Variants in DPP10 observed in about 807,000 individuals in gnomAD.
DPP10 encodes the protein inactive dipeptidyl peptidase 10.
DPP10 carries 33 observed loss-of-function variants against 120.9 expected under a neutral mutation model. That is an observed-to-expected ratio of 0.27 (90% CI 0.21 to 0.37). The LOEUF is 0.37. DPP10 is among the 10% of genes least tolerant of loss of function. The pLI, the probability that DPP10 is intolerant of heterozygous loss-of-function variation, is 1.00. For missense variants in DPP10, 816 were observed against 942.8 expected, an observed-to-expected ratio of 0.87 and a Z score of 1.76; for synonymous variants, 337 against 326.1, an observed-to-expected ratio of 1.03 and a Z score of -0.36.
chr2:115,383,665 C>T (rs1417435896), intron 3 of DPP10, among the ~76,000 whole-genome samples: 1 of 152,096 alleles, frequency 6.6e-6, no homozygotes. Flanking sequence ...ACACCATGGT[C>T]AATTCATATT....
chr2:114,702,397 T>G (rs577047327), intron 1 of DPP10, among the ~76,000 whole-genome samples: 117 of 152,074 alleles, frequency 7.7e-4, no homozygotes, highest in African/African-American at 2.6e-3. Context: ...AGCATCACAG[T>G]GGGCGATCTC....
intron 3 of DPP10, among the ~76,000 whole-genome samples, chr2:115,404,939 C>T (rs1574733100): frequency 6.6e-6 from 1 of 152,302 alleles, no homozygotes; most frequent in East Asian, 1.9e-4. Flanking sequence ...CATTGGGGAA[C>T]ATGGTTCAAC....
At chr2:115,713,715 G>A (rs960103576) in intron 7 of DPP10, among the ~76,000 whole-genome samples, 2 of 152,164 alleles carry the variant, frequency 1.3e-5, no homozygotes, top group African/African-American at 4.8e-5. Flanking sequence ...TAGAATCTGG[G>A]TGTACTTCCT....
At chr2:115,748,059 T>G (rs1432195311) in intron 10 of DPP10, among the ~76,000 whole-genome samples, 1 of 152,120 alleles carries the variant, frequency 6.6e-6, no homozygotes, top group Non-Finnish European at 1.5e-5. Context: ...ATTGAATTAT[T>G]AATAACATAC....
chr2:115,270,131 C>T (rs189899709), intron 1 of DPP10, among the ~76,000 whole-genome samples: 4 of 149,922 alleles, frequency 2.7e-5, no homozygotes, highest in Admixed American at 2.0e-4. Flanking sequence ...CACACAAACA[C>T]TTATTTATGC....
At chr2:115,819,593 G>C (rs535699809) in intron 21 of DPP10, among the ~76,000 whole-genome samples, 2 of 151,888 alleles carry the variant, frequency 1.3e-5, no homozygotes, top group South Asian at 2.1e-4. Context: ...TACTTTGCTA[G>C]TTTACCTTCT....
chr2:115,423,199 G>A (rs1574799303), intron 3 of DPP10, among the ~76,000 whole-genome samples: 1 of 151,788 alleles, frequency 6.6e-6, no homozygotes, highest in Admixed American at 6.6e-5. Flanking sequence ...ATCATGTAAC[G>A]AATATATAAG....
Position 115,290,957 on chromosome 2 carries a change from A to C in DPP10, c.61-18282A>C, listed in dbSNP as rs558268119. Among the ~76,000 whole-genome samples the C allele has an allele frequency of 1.7e-3, 263 of 152,212 alleles. 1 individual carries two copies. Among genetic ancestry groups the C allele is most frequent in the African/African-American group, 6.0e-3 (248 of 41,566 alleles). On this transcript the variant is annotated intron_variant, in intron 1 of 25. Transcript: ENST00000410059. ...ATCTTTCTACCTCTTACATACAAAG[A>C]ATGGGCTAGAGTTTGTCATGGGACC...
intron 1 of DPP10, among the ~76,000 whole-genome samples, chr2:114,548,016 G>A (rs1687563363): frequency 6.6e-6 from 1 of 152,144 alleles, no homozygotes; most frequent in South Asian, 2.1e-4. Flanking sequence ...CAGTTGACGT[G>A]GTCCCTGGAG....
chr2:114,924,729 G>C (rs975839298), intron 1 of DPP10, among the ~76,000 whole-genome samples: 8 of 152,010 alleles, frequency 5.3e-5, no homozygotes, highest in African/African-American at 1.9e-4. Context: ...CCTTGGGATA[G>C]ATTTCCCAAA....
rs138033672 is a variant in DPP10, at chr2:115,171,382, A to G, written c.61-137857A>G. Among the ~76,000 whole-genome samples, 128 of 152,026 alleles carry G rather than the reference A, an allele frequency of 8.4e-4. 2 individuals carry two copies. The East Asian group carries it at 0.024, about 29-fold the overall frequency. The stretch of plus-strand genomic sequence containing the variant: ...TCAAAAAAAAAAAAAAAAGAAAAGA[A>G]AAGAAAAGAAAAGAAAAAGAATAGT... On this transcript the variant is annotated intron_variant, in intron 1 of 25. Coordinates refer to ENST00000410059, the MANE Select transcript of DPP10 (RefSeq NM_020868.6).
intron 21 of DPP10, among the ~76,000 whole-genome samples, chr2:115,825,164 A>G (rs1026621630): frequency 3.3e-5 from 5 of 152,214 alleles, no homozygotes; most frequent in African/African-American, 1.2e-4. Context: ...ATATAGTTTA[A>G]CTGAAATCTC....
At chr2:115,154,887 C>T (rs1436622831) in intron 1 of DPP10, among the ~76,000 whole-genome samples, 1 of 150,266 alleles carries the variant, frequency 6.7e-6, no homozygotes, top group African/African-American at 2.4e-5. Flanking sequence ...GCGGTTTTGC[C>T]ATTACTTTTT....
intron 1 of DPP10, among the ~76,000 whole-genome samples, chr2:114,532,288 TATATATATAC>T (rs1436937355): frequency 7.4e-5 from 4 of 53,790 alleles, no homozygotes; most frequent in African/African-American, 1.8e-4. Flanking sequence ...TATATATATA[TATATATATAC>T]ACACACACAC....
chr2:114,586,776 C>T (rs915840726), intron 1 of DPP10, among the ~76,000 whole-genome samples: 3 of 152,148 alleles, frequency 2.0e-5, no homozygotes, highest in Admixed American at 6.5e-5. Context: ...TGAGTTCTTG[C>T]TCTCTTAGTT....
At chr2:115,391,379 T>C (rs1026522949) in intron 3 of DPP10, among the ~76,000 whole-genome samples, 2 of 152,158 alleles carry the variant, frequency 1.3e-5, no homozygotes, top group African/African-American at 2.4e-5. Context: ...TTCTATCTTA[T>C]GGTAGCTAAA....
At chr2:115,454,097 A>G (rs1229226128) in intron 3 of DPP10, among the ~76,000 whole-genome samples, 3 of 151,604 alleles carry the variant, frequency 2.0e-5, no homozygotes, top group Non-Finnish European at 4.4e-5. Flanking sequence ...CTCTAAAATA[A>G]AAGCCCTCTA....
chr2:114,870,845 C>A (rs774559792), intron 1 of DPP10, among the ~76,000 whole-genome samples: 1 of 135,762 alleles, frequency 7.4e-6, no homozygotes, highest in Non-Finnish European at 1.6e-5. Context: ...CCATCGGGAT[C>A]TTTTCATGAA....
chr2:115,716,390 A>G (rs560707276), intron 7 of DPP10, among the ~76,000 whole-genome samples: 2 of 152,324 alleles, frequency 1.3e-5, no homozygotes, highest in African/African-American at 4.8e-5. Flanking sequence ...GGTAGTATGT[A>G]GTTGTATCCC....
Sources: allele counts gnomAD v4.1 joint callset (sites outside exome capture counted in the v4.1 genomes callset), GRCh38; gene constraint gnomAD v4.1.1; transcripts MANE v1.5; gene names NCBI Gene and HGNC (gene_info 2026-07-23, HGNC 2026-07-21).